LRRC75A: variants seen among roughly 807,000 people sequenced by gnomAD.
The protein encoded by LRRC75A is leucine rich repeat containing 75A.
In LRRC75A, 12 loss-of-function variants were observed where a neutral mutation model predicts 26.0. The observed-to-expected ratio is 0.46, with a 90% CI of 0.30 to 0.75. LRRC75A has a LOEUF of 0.75. Ranked by LOEUF, LRRC75A falls within the 30% of genes least tolerant of loss-of-function variation. The probability of loss-of-function intolerance (pLI) is 0.08; values close to 1 mark genes in which losing one functional copy is unlikely to be tolerated. For synonymous variants in LRRC75A, 223 were observed against 219.3 expected (o/e 1.02, Z -0.15); for missense variants, 410 against 486.6 (o/e 0.84, Z 1.48).
At chr17:16,444,749 C>A (rs560042818) in intron 3 of LRRC75A, among the ~76,000 whole-genome samples, 298 of 152,016 alleles carry the variant, frequency 2.0e-3, no homozygotes, top group Middle Eastern at 6.9e-3. Context: ...GCAGTTCAAG[C>A]TGATGGCAAG....
chr17:16,470,437 G>A (rs575387362), intron 1 of LRRC75A: 2 of 152,252 alleles, frequency 1.3e-5, no homozygotes, highest in South Asian at 4.2e-4. Context: ...CTTAATGAGG[G>A]TGTAATCAAA....
Position 16,441,844 on chromosome 17 carries a change from C to G in LRRC75A, c.*1744G>C. ...GCACAGGCCAAGTTGTAGCTTTGTCCCTTGCCATCATGCCCAACAAGAGGT... is the reference window on the plus strand; with the variant it reads ...GCACAGGCCAAGTTGTAGCTTTGTCGCTTGCCATCATGCCCAACAAGAGGT... On this transcript the variant is annotated 3_prime_UTR_variant, in exon 4 of 4. Transcript: ENST00000470794. The G allele has an allele frequency of 6.0e-6, 1 of 166,674 alleles. No homozygotes were observed. Among genetic ancestry groups the G allele is most frequent in the Non-Finnish European group, 1.3e-5 (1 of 75,770 alleles). 10.3% of individuals were successfully genotyped at this position (166,674 alleles called of 1,614,324 possible). A position where few individuals can be genotyped will look rare whatever the true frequency, so the allele number is the denominator to read the frequency against.
intron 1 of LRRC75A, among the ~76,000 whole-genome samples, chr17:16,482,009 G>A (rs766574412): frequency 2.0e-5 from 3 of 152,158 alleles, no homozygotes; most frequent in Non-Finnish European, 4.4e-5. Flanking sequence ...TCTACTGGGC[G>A]GTCTAGGTCC....
chr17:16,459,121 T>C (rs1601139161), intron 2 of LRRC75A, among the ~76,000 whole-genome samples: 1 of 152,172 alleles, frequency 6.6e-6, no homozygotes, highest in African/African-American at 2.4e-5. Flanking sequence ...AACTTCACAA[T>C]GGAATATGTT....
At position 16,441,582 on chromosome 17, in the gene LRRC75A, T is replaced by TC; in HGVS notation, c.*2005_*2006insG. Reference sequence around the variant, plus strand: ...CATTCTTGAGTTTTTTTGGGTTTTTTTTTTTTTTTTTGAGACAGTCTTGCT... The same window carrying TC: ...CATTCTTGAGTTTTTTTGGGTTTTTTCTTTTTTTTTTTGAGACAGTCTTGCT... On this transcript the variant is annotated 3_prime_UTR_variant, in exon 4 of 4. Coordinates refer to ENST00000470794, the MANE Select transcript of LRRC75A (RefSeq NM_001113567.3). The TC allele has an allele frequency of 2.8e-6, 1 of 359,084 alleles. No homozygotes were observed. The highest frequency in any genetic ancestry group is 5.5e-6 in the Non-Finnish European group (1 of 183,226). 22.2% of individuals were successfully genotyped at this position (359,084 alleles called of 1,614,324 possible). A position where few individuals can be genotyped will look rare whatever the true frequency, so the allele number is the denominator to read the frequency against.
intron 1 of LRRC75A, chr17:16,478,689 CTT>C (rs2093826781): frequency 6.6e-6 from 1 of 152,194 alleles, no homozygotes; most frequent in Admixed American, 6.5e-5. Flanking sequence ...AACTTACTGT[CTT>C]TCGTGTCTGA....
intron 1 of LRRC75A, among the ~76,000 whole-genome samples, chr17:16,485,681 T>TGTGTGTGTGTGTTC (rs748088509): frequency 0.012 from 1,591 of 135,140 alleles, 9 homozygotes; most frequent in Non-Finnish European, 0.015. Flanking sequence ...CGTGTGTGTG[T>TGTGTGTGTGTGTTC]GTGTGTGTGT....
chr17:16,462,302 C>T lies in LRRC75A; in HGVS notation c.331G>A (p.Asp111Asn), dbSNP rs749348067. The part of the protein sequence containing the change: ...FRNLVDPITH[D>N]LIISLARYIH... ...TAGCGTGCCAGGCTGATGATGAGGT[C>T]GTGTGTGATGGGGTCCACCAGGTTC... The change falls in exon 2 of 4, where the codon GAC (aspartate) becomes AAC (asparagine). Residue 111 changes from aspartate to asparagine, a missense_variant. Coordinates refer to ENST00000470794, the MANE Select transcript of LRRC75A (RefSeq NM_001113567.3). This position sits in a 1 kb window ranked among gnomAD's most constrained non-coding sequence, Gnocchi z 4.6. 11 of 1,614,090 alleles carry T rather than the reference C, an allele frequency of 6.8e-6. No individual in the cohort carries two copies. The highest frequency in any genetic ancestry group is 4.4e-5 in the South Asian group (4 of 91,056).
chr17:16,447,995 T>G, intron 2 of LRRC75A, 35 bp from the exon 3 acceptor site: 1 of 1,522,182 alleles, frequency 6.6e-7, no homozygotes, highest in South Asian at 1.2e-5. Flanking sequence ...GGGCCCTGAG[T>G]GGCTGGGTGC....
At chr17:16,488,463 C>T (rs1465409433) in intron 1 of LRRC75A, among the ~76,000 whole-genome samples, 1 of 152,244 alleles carries the variant, frequency 6.6e-6, no homozygotes, top group East Asian at 1.9e-4. Context: ...GCAGATTCTC[C>T]TGTTTCACAG....
intron 1 of LRRC75A, among the ~76,000 whole-genome samples, chr17:16,467,711 C>T (rs1441459270): frequency 5.3e-5 from 8 of 152,178 alleles, no homozygotes; most frequent in Non-Finnish European, 7.3e-5. Context: ...GCTGCTTGTT[C>T]GGCCCTGGCG....
chr17:16,474,480 G>A lies in LRRC75A; in HGVS notation c.247-12094C>T, dbSNP rs78076735. ...CCCCTGCTTCCCCAGGACCTCTTGT[G>A]GGACTCAGATTCTGCAGTATGCCTG... On this transcript the variant is annotated intron_variant, in intron 1 of 3. Coordinates refer to ENST00000470794, the MANE Select transcript of LRRC75A (RefSeq NM_001113567.3). 9.2e-3 allele frequency among the ~76,000 whole-genome samples: 1,404 copies of A among 152,258 alleles called. 10 individuals carry two copies. Among genetic ancestry groups the A allele is most frequent in the Non-Finnish European group, 0.015 (995 of 68,032 alleles).
In LRRC75A at chr17:16,491,727, C is replaced by T; in HGVS notation, c.246+18G>A. On this transcript the variant is annotated intron_variant, in intron 1 of 3. Transcript: ENST00000470794. The surrounding 1 kb of genome is among the most constrained non-coding windows in gnomAD (Gnocchi z 5.9). ...CCCCTGGCCCGGCGCGCCCCCCGCG[C>T]CCCCTCCCCGCGCTCACCTGGCGCA... 2 of 1,330,260 alleles carry T rather than the reference C, an allele frequency of 1.5e-6. No individual in the cohort carries two copies. The highest frequency in any genetic ancestry group is 1.9e-6 in the Non-Finnish European group (2 of 1,045,276). 82.4% of individuals were successfully genotyped at this position (1,330,260 alleles called of 1,614,324 possible). A position where few individuals can be genotyped will look rare whatever the true frequency, so the allele number is the denominator to read the frequency against.
intron 2 of LRRC75A, among the ~76,000 whole-genome samples, chr17:16,450,618 C>T (rs1387384085): frequency 6.6e-6 from 1 of 152,230 alleles, no homozygotes; most frequent in Non-Finnish European, 1.5e-5. Flanking sequence ...CTGGAGCTGA[C>T]ATCTTTTGGT....
intron 2 of LRRC75A, chr17:16,460,900 C>CCTA (rs889309203): frequency 6.6e-6 from 1 of 152,336 alleles, no homozygotes; most frequent in Non-Finnish European, 1.5e-5. Flanking sequence ...TAGGCAGAAC[C>CCTA]GGGTGGAACT....
intron 1 of LRRC75A, among the ~76,000 whole-genome samples, chr17:16,465,049 G>C (rs1018558855): frequency 6.6e-6 from 1 of 152,226 alleles, no homozygotes; most frequent in Non-Finnish European, 1.5e-5. Flanking sequence ...TATTCCCATG[G>C]TCAGAGGCTG....
Position 16,460,520 on chromosome 17 carries a change from G to A in LRRC75A, c.375+1738C>T, listed in dbSNP as rs544086457. Among the ~76,000 whole-genome samples, 220 of 152,178 alleles carry A rather than the reference G, an allele frequency of 1.4e-3. 1 individual carries two copies. The highest frequency in any genetic ancestry group is 2.7e-3 in the Non-Finnish European group (183 of 67,996). On this transcript the variant is annotated intron_variant, in intron 2 of 3. Transcript: ENST00000470794. ...TCCATGAGGCAACCTGTGAGGGGCAGGTTGGGGAGGGAGGGGAGCTCGGCT... is the reference window on the plus strand; with the variant it reads ...TCCATGAGGCAACCTGTGAGGGGCAAGTTGGGGAGGGAGGGGAGCTCGGCT...
At chr17:16,490,199 T>C (rs1159072984) in intron 1 of LRRC75A, among the ~76,000 whole-genome samples, 1 of 152,216 alleles carries the variant, frequency 6.6e-6, no homozygotes, top group Non-Finnish European at 1.5e-5. Context: ...TCTGTTCTTC[T>C]GTATCCCCCA....
chr17:16,481,219 G>A (rs1473124847), intron 1 of LRRC75A, among the ~76,000 whole-genome samples: 1 of 152,132 alleles, frequency 6.6e-6, no homozygotes, highest in Non-Finnish European at 1.5e-5. Flanking sequence ...AGAACACAAT[G>A]TGCAAGGCAG....
Sources: allele counts gnomAD v4.1 joint callset (sites outside exome capture counted in the v4.1 genomes callset), GRCh38; gene constraint gnomAD v4.1.1; non-coding constraint Gnocchi (gnomAD v3.1); transcripts MANE v1.5; gene names NCBI Gene and HGNC (gene_info 2026-07-23, HGNC 2026-07-21).